Variants in RUBCNL observed in about 807,000 individuals in gnomAD.
The protein encoded by RUBCNL is protein associated with UVRAG as autophagy enhancer.
Under a neutral mutation model 69.5 loss-of-function variants are expected in RUBCNL, and 62 were observed. The observed-to-expected ratio is 0.89, with a 90% CI of 0.73 to 1.10. The LOEUF (loss-of-function observed/expected upper bound fraction) is 1.10, where lower values mean the gene tolerates loss of function less well. Among genes scored for constraint, RUBCNL ranks in the 50% least tolerant of loss-of-function variants. RUBCNL has a pLI of 0.00. For synonymous variants in RUBCNL, 291 were observed against 303.6 expected (o/e 0.96, Z 0.43); for missense variants, 768 against 798.1 (o/e 0.96, Z 0.45).
chr13:46,376,034 C>G (rs1013598235), intron 2 of RUBCNL, among the ~76,000 whole-genome samples: 2 of 152,144 alleles, frequency 1.3e-5, no homozygotes, highest in South Asian at 4.1e-4. Context: ...TTATGGTTTT[C>G]TTAATGACAT....
Position 46,345,453 on chromosome 13 carries a change from G to A in RUBCNL, c.1779C>T (p.Gly593=), listed in dbSNP as rs771938328. Residue 593 remains glycine (G), a synonymous_variant, in exon 13 of 15, where the codon GGC becomes GGT. Transcript: ENST00000429979. ...GCTCTGGGTGCACCCTCACCTCACA[G>A]CCAGCCACATGTGCAAGGGAAGCTT... ...ILKASLAHVA[G]CELCQGKGFI... 3.6e-5 allele frequency: 56 copies of A among 1,559,476 alleles called. No individual in the cohort carries two copies. In the Middle Eastern group the frequency reaches 2.2e-3, roughly 60 times the overall value.
intron 14 of RUBCNL, among the ~76,000 whole-genome samples, chr13:46,343,825 T>C (rs1363550826): frequency 2.6e-5 from 4 of 152,184 alleles, no homozygotes; most frequent in Admixed American, 6.5e-5. Flanking sequence ...GGAAGCCACA[T>C]TGTTTCTCTA....
intron 1 of RUBCNL, among the ~76,000 whole-genome samples, chr13:46,384,742 AGG>A (rs2049199802): frequency 6.6e-6 from 1 of 152,262 alleles, no homozygotes; most frequent in Non-Finnish European, 1.5e-5. Context: ...GATGACAAAA[AGG>A]CTTGAATCTG....
upstream of RUBCNL, chr13:46,387,620 T>C: frequency 1.0e-6 from 1 of 985,452 alleles, no homozygotes; most frequent in Non-Finnish European, 1.2e-6. Context: ...TACAATTGCC[T>C]GAAATGAAGA....
At chr13:46,343,598 C>T in intron 14 of RUBCNL, 101 bp from the exon 15 acceptor site, 10 of 1,194,846 alleles carry the variant, frequency 8.4e-6, no homozygotes, top group East Asian at 2.5e-5. Context: ...GGGTCTGAAT[C>T]CAGAGCCCAG....
Position 46,378,049 on chromosome 13 carries a change from C to T in RUBCNL, c.-238-44G>A, listed in dbSNP as rs796558928. The stretch of plus-strand genomic sequence containing the variant: ...TTTGCCAGATGCTATGATACCACTG[C>T]CAGGTATGTTACTTGTTGCCATATT... On this transcript the variant is annotated intron_variant, in intron 1 of 14. Coordinates refer to ENST00000429979, the MANE Select transcript of RUBCNL (RefSeq NM_025113.5). 13 of 1,004,624 alleles carry T rather than the reference C, an allele frequency of 1.3e-5. No individual in the cohort carries two copies. The African/African-American group carries it at 2.0e-4, about 15-fold the overall frequency. 62.2% of individuals were successfully genotyped at this position (1,004,624 alleles called of 1,614,324 possible).
rs566018906 is a variant in RUBCNL at position 46,343,469 on chromosome 13, G to A, written c.1905C>T (p.Cys635=). ...ACCGGGGGCACTCGGAGGACTGGAA[G>A]CACTGTTTGTGAAAGCAAGCCCTGC... ...SACRACFHKQ[C]FQSSECPRCA... is the part of the protein sequence containing the mutation. Residue 635 remains cysteine (C), a synonymous_variant, in exon 15 of 15, where the codon TGC becomes TGT. Coordinates refer to ENST00000429979, the MANE Select transcript of RUBCNL (RefSeq NM_025113.5). The A allele has an allele frequency of 1.9e-5, 31 of 1,613,968 alleles. No homozygotes were observed. In the African/African-American group the frequency reaches 3.6e-4, roughly 19 times the overall value.
chr13:46,345,601 C>A lies in RUBCNL; in HGVS notation c.1632-1G>T. 2 of 1,613,272 alleles carry A rather than the reference C, an allele frequency of 1.2e-6. No homozygotes were observed. Among genetic ancestry groups the A allele is most frequent in the Non-Finnish European group, 1.7e-6 (2 of 1,179,590 alleles). ...CACCTGCTCGAACTCCTTTAATGCACTGCCAGAGAGGAAACAAAGAGGAAT... is the reference window on the plus strand; with the variant it reads ...CACCTGCTCGAACTCCTTTAATGCAATGCCAGAGAGGAAACAAAGAGGAAT... On this transcript the variant is annotated splice_acceptor_variant, in intron 12 of 14. Coordinates refer to ENST00000429979, the MANE Select transcript of RUBCNL (RefSeq NM_025113.5). LOFTEE classifies it high-confidence loss of function.
Position 46,335,065 on chromosome 13 carries a change from T to G in RUBCNL, c.*8320A>C, listed in dbSNP as rs563130008. Among the ~76,000 whole-genome samples the G allele has an allele frequency of 6.6e-6, 1 of 151,712 alleles. No homozygotes were observed. Among genetic ancestry groups the G allele is most frequent in the Non-Finnish European group, 1.5e-5 (1 of 67,868 alleles). On this transcript the variant is annotated 3_prime_UTR_variant, in exon 15 of 15. Transcript: ENST00000429979. ...CAGGAAACCTACTTGGGTAAAGAATTTGGACTTTTTTTTTTTTGAGATGGG... is the reference window on the plus strand; with the variant it reads ...CAGGAAACCTACTTGGGTAAAGAATGTGGACTTTTTTTTTTTTGAGATGGG...
At chr13:46,378,297 A>C (rs1217748486) in intron 1 of RUBCNL, 2 of 206,634 alleles carry the variant, frequency 9.7e-6, no homozygotes, top group Non-Finnish European at 2.0e-5. Flanking sequence ...AGCAGAGATA[A>C]TACAGGTCTA....
rs376421445 is a variant in RUBCNL, at chr13:46,338,827, C to T, written c.*4558G>A. On this transcript the variant is annotated 3_prime_UTR_variant, in exon 15 of 15. Coordinates refer to ENST00000429979, the MANE Select transcript of RUBCNL (RefSeq NM_025113.5). ...ATCCAAGCACTTTGGGAGGCCGAGG[C>T]GGGTAGATCACTTCTGAGACCAGCC... Among the ~76,000 whole-genome samples the T allele has an allele frequency of 1.3e-5, 2 of 152,064 alleles. No homozygotes were observed. The highest frequency in any genetic ancestry group is 2.1e-4 in the South Asian group (1 of 4,820).
chr13:46,386,998 G>C, intron 1 of RUBCNL, 136 bp downstream of exon 1: 1 of 744,410 alleles, frequency 1.3e-6, no homozygotes, highest in Non-Finnish European at 1.6e-6. Flanking sequence ...AGATACCTGG[G>C]TGTCTCTGCT....
At chr13:46,359,667 A>G in intron 8 of RUBCNL, 36 bp from the exon 9 acceptor site, 2 of 1,485,400 alleles carry the variant, frequency 1.3e-6, no homozygotes, top group Non-Finnish European at 1.8e-6. Context: ...GAACAACTTA[A>G]GCATATTTCA....
rs141198577 is a variant in RUBCNL at position 46,341,565 on chromosome 13, T to C, written c.*1820A>G. ...GCACTCTTCCTTAATATCAAAGATA[T>C]GTAACACACACAGGCTCATCAGTGC... On this transcript the variant is annotated 3_prime_UTR_variant, in exon 15 of 15. Transcript: ENST00000429979. Among the ~76,000 whole-genome samples, 12 of 152,334 alleles carry C rather than the reference T, an allele frequency of 7.9e-5. No homozygotes were observed. The highest frequency in any genetic ancestry group is 2.4e-4 in the African/African-American group (10 of 41,572).
intron 1 of RUBCNL, among the ~76,000 whole-genome samples, chr13:46,384,796 G>A (rs889358861): frequency 2.0e-5 from 3 of 152,022 alleles, no homozygotes; most frequent in African/African-American, 7.2e-5. Flanking sequence ...TTACCTTTAC[G>A]GAGCAGACTT....
chr13:46,368,704 T>C (rs751909398), intron 4 of RUBCNL, 29 bp downstream of exon 4: 4 of 1,572,292 alleles, frequency 2.5e-6, no homozygotes, highest in South Asian at 1.1e-5. Context: ...TAAGACTCTA[T>C]GGTTAAAAAG....
At chr13:46,382,658 C>T (rs576492027) in intron 1 of RUBCNL, among the ~76,000 whole-genome samples, 1 of 152,286 alleles carries the variant, frequency 6.6e-6, no homozygotes, top group South Asian at 2.1e-4. Context: ...CTTAACCTCC[C>T]AAGTAGCTGG....
At chr13:46,381,707 A>G (rs2049120499) in intron 1 of RUBCNL, among the ~76,000 whole-genome samples, 1 of 151,990 alleles carries the variant, frequency 6.6e-6, no homozygotes, top group South Asian at 2.1e-4. Context: ...CTCAGCCTCC[A>G]GAGTAGCTGG....
chr13:46,374,296 C>T (rs2048941402), intron 2 of RUBCNL: 1 of 152,372 alleles, frequency 6.6e-6, no homozygotes, highest in Non-Finnish European at 1.5e-5. Context: ...CCAGGCTGAT[C>T]TTGAACTCCT....
Sources: allele counts gnomAD v4.1 joint callset (sites outside exome capture counted in the v4.1 genomes callset), GRCh38; gene constraint gnomAD v4.1.1; transcripts MANE v1.5; gene names NCBI Gene and HGNC (gene_info 2026-07-23, HGNC 2026-07-21).